ZNF43: variants seen among roughly 807,000 people sequenced by gnomAD.
ZNF43 encodes the protein zinc finger protein 43.
ZNF43 carries 44 observed loss-of-function variants against 68.4 expected under a neutral mutation model. The ratio of observed to expected loss-of-function variants is 0.64; its 90% confidence interval spans 0.51 to 0.83. The LOEUF (loss-of-function observed/expected upper bound fraction) is 0.83, where lower values mean the gene tolerates loss of function less well. Among genes scored for constraint, ZNF43 ranks in the 40% least tolerant of loss-of-function variants. The pLI, the probability that ZNF43 is intolerant of heterozygous loss-of-function variation, is 0.00. For synonymous variants in ZNF43, 308 were observed against 307.8 expected (o/e 1.00, Z -0.01); for missense variants, 896 against 933.2 (o/e 0.96, Z 0.52).
upstream of ZNF43, chr19:21,839,803 C>T (rs1967388927): frequency 6.6e-6 from 1 of 152,170 alleles, no homozygotes; most frequent in South Asian, 2.1e-4. Flanking sequence ...AGGAGGCTCA[C>T]ATTACCTTAG....
chr19:21,844,979 A>G (rs1967852487), intron 1 of ZNF43, among the ~76,000 whole-genome samples: 1 of 146,164 alleles, frequency 6.8e-6, no homozygotes, highest in South Asian at 2.2e-4. Flanking sequence ...CTATGGGTAA[A>G]GAGTGAGCAG....
intron 1 of ZNF43, among the ~76,000 whole-genome samples, chr19:21,842,959 A>G (rs1014495847): frequency 6.6e-6 from 1 of 150,738 alleles, no homozygotes; most frequent in African/African-American, 2.4e-5. Flanking sequence ...GATATGTTAC[A>G]ACGTCTCCTA....
At chr19:21,836,199 C>T (rs886290202), upstream of ZNF43, 11 of 1,511,254 alleles carry the variant, frequency 7.3e-6, no homozygotes, top group African/African-American at 2.8e-5. Flanking sequence ...CCCGCCACAT[C>T]CCGGAAGCCG....
In ZNF43 at chr19:21,805,927, A is replaced by G. The variant is rs951583806; in HGVS notation, c.*1680T>C. The G allele has an allele frequency of 7.9e-5, 12 of 151,290 alleles. No homozygotes were observed. Among genetic ancestry groups the G allele is most frequent in the South Asian group, 4.1e-4 (2 of 4,828 alleles). The allele number at this position is 151,290 out of a possible 1,614,324, so 9.4% of individuals were successfully genotyped here. On this transcript the variant is annotated 3_prime_UTR_variant, in exon 4 of 4. Transcript: ENST00000354959. ...ATAATAATGCTTCATTGAATGTACAATGGTCTTAACACATTTTTTTAAAAG... is the reference window on the plus strand; with the variant it reads ...ATAATAATGCTTCATTGAATGTACAGTGGTCTTAACACATTTTTTTAAAAG...
chr19:21,842,223 A>C (rs1967585750), intron 1 of ZNF43, among the ~76,000 whole-genome samples: 1 of 151,932 alleles, frequency 6.6e-6, no homozygotes, highest in South Asian at 2.1e-4. Flanking sequence ...ATCCTGGACA[A>C]CGTGGTGAAA....
intron 1 of ZNF43, among the ~76,000 whole-genome samples, chr19:21,849,368 A>C (rs1167419197): frequency 6.6e-6 from 1 of 151,828 alleles, no homozygotes; most frequent in Non-Finnish European, 1.5e-5. Context: ...CATGCCTGTA[A>C]TCCCAGCTAC....
At chr19:21,831,881 T>G (rs935159357) in intron 1 of ZNF43, among the ~76,000 whole-genome samples, 2 of 152,130 alleles carry the variant, frequency 1.3e-5, no homozygotes, top group Middle Eastern at 3.4e-3. Flanking sequence ...CTTCAAAAAG[T>G]AAGAGATGAT....
In ZNF43 at chr19:21,807,851, G is replaced by T. The variant is rs2037024628; in HGVS notation, c.2186C>A (p.Thr729Asn). ...TTCACATTTGTAGGGTTGCTCTCCA[G>T]TATGAATTTTCTTATGTTCAATAAG... ...SNLIEHKKIH[T>N]GEQPYKCEEC... is the part of the protein sequence containing the mutation. The change falls in exon 4 of 4, where the codon ACT (threonine) becomes AAT (asparagine). Residue 729 changes from threonine (T) to asparagine (N), a missense_variant. Transcript: ENST00000354959. The T allele has an allele frequency of 6.8e-6, 11 of 1,613,142 alleles. No individual in the cohort carries two copies. The highest frequency in any genetic ancestry group is 9.3e-6 in the Non-Finnish European group (11 of 1,179,740).
intron 1 of ZNF43, among the ~76,000 whole-genome samples, chr19:21,830,597 C>A (rs1599510181): frequency 1.4e-5 from 2 of 140,542 alleles, no homozygotes; most frequent in South Asian, 2.3e-4. Flanking sequence ...CAACAAGATT[C>A]AAAATTGAAG....
At chr19:21,812,394 G>A (rs573897041) in intron 3 of ZNF43, among the ~76,000 whole-genome samples, 2 of 152,272 alleles carry the variant, frequency 1.3e-5, no homozygotes, top group Middle Eastern at 3.4e-3. Context: ...GATTATAGGC[G>A]TAAGCCACTG....
At chr19:21,823,370 C>T (rs2037946908) in intron 1 of ZNF43, among the ~76,000 whole-genome samples, 1 of 152,090 alleles carries the variant, frequency 6.6e-6, no homozygotes, top group Non-Finnish European at 1.5e-5. Context: ...TGGGTACCAT[C>T]TTACACAAGA....
chr19:21,828,756 G>C (rs1344016811), intron 1 of ZNF43, among the ~76,000 whole-genome samples: 2 of 143,278 alleles, frequency 1.4e-5, no homozygotes, highest in African/African-American at 5.2e-5. Flanking sequence ...AAATACAGCC[G>C]GACGCGGTGG....
At chr19:21,848,316 G>A (rs1241808679) in intron 1 of ZNF43, among the ~76,000 whole-genome samples, 1 of 151,732 alleles carries the variant, frequency 6.6e-6, no homozygotes, top group Non-Finnish European at 1.5e-5. Flanking sequence ...GCTAATTTTT[G>A]TATTGTTTTA....
chr19:21,842,881 T>A (rs1387373813), intron 1 of ZNF43, among the ~76,000 whole-genome samples: 2 of 151,970 alleles, frequency 1.3e-5, no homozygotes, highest in Non-Finnish European at 2.9e-5. Context: ...TAGTGATACG[T>A]CACCCCCTCT....
intron 1 of ZNF43, chr19:21,843,320 A>G (rs1967666861): frequency 8.2e-6 from 8 of 977,754 alleles, no homozygotes; most frequent in South Asian, 4.7e-5. Context: ...ATGTGTCACA[A>G]TCACACCTGC....
Position 21,836,021 on chromosome 19 carries a change from G to A in ZNF43, c.3+15C>T. On this transcript the variant is annotated intron_variant, in intron 1 of 3. Coordinates refer to ENST00000354959, the MANE Select transcript of ZNF43 (RefSeq NM_003423.4). ...GCCCCTTCCCCCTCTCGGGATGTCG[G>A]ACCGGCACTCTCACCATTTCTAGGC... The A allele has an allele frequency of 1.2e-6, 2 of 1,613,986 alleles. No homozygotes were observed. The highest frequency in any genetic ancestry group is 8.5e-7 in the Non-Finnish European group (1 of 1,179,846).
chr19:21,824,732 TAAAAAAAA>T (rs34739856), intron 1 of ZNF43, among the ~76,000 whole-genome samples: 2 of 107,252 alleles, frequency 1.9e-5, no homozygotes, highest in African/African-American at 3.2e-5. Flanking sequence ...TATGTTTACC[TAAAAAAAA>T]AAAAAAAAAA....
At chr19:21,840,641 A>T (rs1404342569), upstream of ZNF43, 3 of 152,182 alleles carry the variant, frequency 2.0e-5, no homozygotes, top group Non-Finnish European at 4.4e-5. Flanking sequence ...GAACTTCAAC[A>T]GTGAGCTGTG....
upstream of ZNF43, among the ~76,000 whole-genome samples, chr19:21,837,151 A>T (rs988075081): frequency 6.6e-6 from 1 of 152,176 alleles, no homozygotes; most frequent in Non-Finnish European, 1.5e-5. Context: ...TCCAGGTTTT[A>T]GAAACTGATG....
Sources: gnomAD v4.1 joint callset for allele counts (sites outside exome capture counted in the v4.1 genomes callset) on GRCh38, gnomAD v4.1.1 for gene constraint, MANE v1.5 for transcripts, NCBI Gene and HGNC (gene_info 2026-07-23, HGNC 2026-07-21) for gene names.